The following RAP2A variants were observed in gnomAD, a reference collection of about 807,000 sequenced individuals.
RAP2A encodes the protein RAP2A, member of RAS oncogene family.
In RAP2A, 5 loss-of-function variants were observed where a neutral mutation model predicts 15.1. The ratio of observed to expected loss-of-function variants is 0.33; its 90% confidence interval spans 0.17 to 0.70. RAP2A has a LOEUF of 0.70. Ranked by LOEUF, RAP2A falls within the 30% of genes least tolerant of loss-of-function variation. The pLI, the probability that RAP2A is intolerant of heterozygous loss-of-function variation, is 0.68. For missense variants in RAP2A, 111 were observed against 240.3 expected, an observed-to-expected ratio of 0.46 and a Z score of 3.56; for synonymous variants, 110 against 99.7, an observed-to-expected ratio of 1.10 and a Z score of -0.62.
intron 1 of RAP2A, among the ~76,000 whole-genome samples, chr13:97,438,829 C>T (rs1186255763): frequency 6.6e-6 from 1 of 152,060 alleles, no homozygotes. Context: ...CTCCTACTAG[C>T]ACATAGGAAA....
intron 1 of RAP2A, among the ~76,000 whole-genome samples, chr13:97,454,236 A>C (rs980766909): frequency 6.6e-6 from 1 of 151,266 alleles, no homozygotes; most frequent in African/African-American, 2.4e-5. Flanking sequence ...TCTTCTTGAT[A>C]GCATGGATGT....
rs1387403696 is a variant in RAP2A, at chr13:97,467,311, T to C, written c.*2869T>C. On this transcript the variant is annotated 3_prime_UTR_variant, in exon 2 of 2. Coordinates refer to ENST00000245304, the MANE Select transcript of RAP2A (RefSeq NM_021033.7). ...ATCTGATCAAAAGTATTACATAAAA[T>C]ATTTTCTTAAACTATTGAAAGGTGC... is the stretch of plus-strand genomic sequence containing the variant. 1 of 152,610 alleles carries C rather than the reference T, an allele frequency of 6.6e-6. No individual in the cohort carries two copies. Among genetic ancestry groups the C allele is most frequent in the Non-Finnish European group, 1.5e-5 (1 of 68,024 alleles). The allele number at this position is 152,610 out of a possible 1,614,324, so 9.5% of individuals were successfully genotyped here. A position where few individuals can be genotyped will look rare whatever the true frequency, so the allele number is the denominator to read the frequency against.
chr13:97,448,635 G>C (rs1309004883), intron 1 of RAP2A, among the ~76,000 whole-genome samples: 5 of 152,182 alleles, frequency 3.3e-5, no homozygotes, highest in Non-Finnish European at 7.4e-5. Flanking sequence ...TCTAGATCCA[G>C]CTCTCTCTTG....
intron 1 of RAP2A, among the ~76,000 whole-genome samples, chr13:97,450,462 G>A (rs532456049): frequency 4.6e-5 from 7 of 152,090 alleles, no homozygotes; most frequent in Non-Finnish European, 1.0e-4. Context: ...GATGAAAGCT[G>A]TGTGTTCTCC....
Position 97,464,574 on chromosome 13 carries a change from G to T in RAP2A, c.*132G>T. 1 of 833,716 alleles carries T rather than the reference G, an allele frequency of 1.2e-6. No individual in the cohort carries two copies. Among genetic ancestry groups the T allele is most frequent in the Non-Finnish European group, 1.9e-6 (1 of 520,480 alleles). 51.6% of individuals were successfully genotyped at this position (833,716 alleles called of 1,614,324 possible). A position where few individuals can be genotyped will look rare whatever the true frequency, so the allele number is the denominator to read the frequency against. ...AGAACTGCAGCCCTTATTCAGAATTGAGCAGTGATTGTCAGTTGATATCTC... is the reference window on the plus strand; with the variant it reads ...AGAACTGCAGCCCTTATTCAGAATTTAGCAGTGATTGTCAGTTGATATCTC... On this transcript the variant is annotated 3_prime_UTR_variant, in exon 2 of 2. Transcript: ENST00000245304.
At chr13:97,438,101 G>T (rs1458548256) in intron 1 of RAP2A, among the ~76,000 whole-genome samples, 1 of 152,164 alleles carries the variant, frequency 6.6e-6, no homozygotes, top group Non-Finnish European at 1.5e-5. Context: ...GAGTAACAGG[G>T]ATATAGGAAA....
rs370263666 is a variant in RAP2A at position 97,454,800 on chromosome 13, A to G, written c.315-9405A>G. Among the ~76,000 whole-genome samples the G allele has an allele frequency of 1.9e-3, 282 of 151,444 alleles. 12 individuals carry two copies. Among genetic ancestry groups the G allele is most frequent in the African/African-American group, 6.3e-3 (260 of 41,156 alleles). ...TTCTTTAGTATTTCTTTTACAACAG[A>G]TTTGCTAGTGATAAATTTTCTTAGA... On this transcript the variant is annotated intron_variant, in intron 1 of 1. Coordinates refer to ENST00000245304, the MANE Select transcript of RAP2A (RefSeq NM_021033.7).
At chr13:97,436,609 T>C (rs2066635493) in intron 1 of RAP2A, among the ~76,000 whole-genome samples, 1 of 152,216 alleles carries the variant, frequency 6.6e-6, no homozygotes, top group South Asian at 2.1e-4. Flanking sequence ...CACATAATTT[T>C]GTAGTTTCTT....
intron 1 of RAP2A, among the ~76,000 whole-genome samples, chr13:97,448,982 G>T (rs1395940696): frequency 1.3e-5 from 2 of 152,098 alleles, no homozygotes; most frequent in African/African-American, 2.4e-5. Flanking sequence ...CACATAGGTC[G>T]CATGTTATGG....
At chr13:97,450,279 A>T (rs1388811917) in intron 1 of RAP2A, among the ~76,000 whole-genome samples, 1 of 152,196 alleles carries the variant, frequency 6.6e-6, no homozygotes, top group African/African-American at 2.4e-5. Context: ...TTTAATCCAG[A>T]TGTAAATTTA....
At chr13:97,445,565 A>G (rs1297381649) in intron 1 of RAP2A, among the ~76,000 whole-genome samples, 3 of 152,248 alleles carry the variant, frequency 2.0e-5, no homozygotes, top group Non-Finnish European at 4.4e-5. Context: ...AAGGAACTAT[A>G]ATGTTTGCAT....
intron 1 of RAP2A, among the ~76,000 whole-genome samples, chr13:97,435,164 T>C (rs2066627428): frequency 6.6e-6 from 1 of 152,162 alleles, no homozygotes. Flanking sequence ...CAATCTGCCT[T>C]GGCAATGTTT....
intron 1 of RAP2A, among the ~76,000 whole-genome samples, chr13:97,458,134 T>A (rs372215136): frequency 2.9e-4 from 44 of 152,206 alleles, no homozygotes; most frequent in African/African-American, 1.1e-3. Context: ...ATCATGGAAG[T>A]AATTGAAGCA....
In RAP2A at chr13:97,466,697, G is replaced by A. The variant is rs1250338990; in HGVS notation, c.*2255G>A. On this transcript the variant is annotated 3_prime_UTR_variant, in exon 2 of 2. Transcript: ENST00000245304. Reference sequence around the variant, plus strand: ...ATATGGCAGAATGTAAAGTGGAAAAGATGACCTAAAATTTTGAGTTGTATT... The same window carrying A: ...ATATGGCAGAATGTAAAGTGGAAAAAATGACCTAAAATTTTGAGTTGTATT... 1 of 152,228 alleles carries A rather than the reference G, an allele frequency of 6.6e-6. No homozygotes were observed. The highest frequency in any genetic ancestry group is 2.4e-5 in the African/African-American group (1 of 41,470). The allele number at this position is 152,228 out of a possible 1,614,324, so 9.4% of individuals were successfully genotyped here.
intron 1 of RAP2A, among the ~76,000 whole-genome samples, chr13:97,461,942 G>A (rs571033924): frequency 6.8e-6 from 1 of 146,278 alleles, no homozygotes; most frequent in African/African-American, 2.5e-5. Context: ...CAGCCTGGGA[G>A]ACAGAGCGAG....
rs769076387 is a variant in RAP2A, at chr13:97,434,457, G to A, written c.-14G>A. The A allele has an allele frequency of 1.3e-6, 2 of 1,575,746 alleles. No homozygotes were observed. Among genetic ancestry groups the A allele is most frequent in the East Asian group, 2.3e-5 (1 of 44,066 alleles). ...GTCGCGGGCGGCGGCGGCGGCGGCG[G>A]CCGCGGAGGGACGATGCGCGAGTAC... On this transcript the variant is annotated 5_prime_UTR_variant, in exon 1 of 2. Coordinates refer to ENST00000245304, the MANE Select transcript of RAP2A (RefSeq NM_021033.7).
At chr13:97,447,767 G>A (rs976631014) in intron 1 of RAP2A, among the ~76,000 whole-genome samples, 3 of 152,160 alleles carry the variant, frequency 2.0e-5, no homozygotes, top group African/African-American at 7.2e-5. Flanking sequence ...CAGATTTGAA[G>A]ACCATCACTT....
At position 97,434,922 on chromosome 13, in the gene RAP2A, G is replaced by C. The variant is rs1400906932; in HGVS notation, c.314+138G>C. On this transcript the variant is annotated intron_variant, in intron 1 of 1. Coordinates refer to ENST00000245304, the MANE Select transcript of RAP2A (RefSeq NM_021033.7). ...CTGGAGGCTTTACTATTGTCATTCTGCTCCTCCTCCTCAATCTCAAATTTG... is the reference window on the plus strand; with the variant it reads ...CTGGAGGCTTTACTATTGTCATTCTCCTCCTCCTCCTCAATCTCAAATTTG... 1.8e-5 allele frequency: 23 copies of C among 1,270,356 alleles called. No individual in the cohort carries two copies. The East Asian group carries it at 4.5e-4, about 25-fold the overall frequency. 78.7% of individuals were successfully genotyped at this position (1,270,356 alleles called of 1,614,324 possible). A position where few individuals can be genotyped will look rare whatever the true frequency, so the allele number is the denominator to read the frequency against.
chr13:97,439,860 G>A (rs1310970467), intron 1 of RAP2A, among the ~76,000 whole-genome samples: 1 of 152,142 alleles, frequency 6.6e-6, no homozygotes, highest in Non-Finnish European at 1.5e-5. Flanking sequence ...TTGGGAAAAA[G>A]ATAGTTGACT....
Sources: allele counts gnomAD v4.1 joint callset (sites outside exome capture counted in the v4.1 genomes callset), GRCh38; gene constraint gnomAD v4.1.1; transcripts MANE v1.5; gene names NCBI Gene and HGNC (gene_info 2026-07-23, HGNC 2026-07-21).